ART3: variants seen among roughly 807,000 people sequenced by gnomAD.
ART3 encodes the protein ADP-ribosyltransferase 3 (inactive), also known as ecto-ADP-ribosyltransferase 3.
A neutral mutation model predicts 48.5 loss-of-function variants in ART3; 49 were observed. The observed-to-expected ratio is 1.01, with a 90% confidence interval of 0.80 to 1.28. The LOEUF is 1.28. Among genes scored for constraint, ART3 ranks in the 50% most tolerant of loss-of-function variants. ART3 has a pLI of 0.00. For missense variants in ART3, 438 were observed against 454.3 expected (o/e 0.96, Z 0.33); for synonymous variants, 145 against 157.2 (o/e 0.92, Z 0.58).
intron 1 of ART3, chr4:76,037,014 C>A: frequency 5.5e-6 from 1 of 180,328 alleles, no homozygotes; most frequent in South Asian, 1.3e-4. Context: ...CATTCTTGGT[C>A]ACCTTGTGGC....
At chr4:76,011,283 C>G (rs529036187) in exon 1 of ART3, 1 of 152,612 alleles carries the variant, frequency 6.6e-6, no homozygotes, top group Non-Finnish European at 1.5e-5. Context: ...CAGTGCTGAT[C>G]CAGCCGGAGG....
At chr4:76,023,798 A>C (rs764509161) in intron 1 of ART3, among the ~76,000 whole-genome samples, 67 of 152,226 alleles carry the variant, frequency 4.4e-4, no homozygotes, top group Non-Finnish European at 9.0e-4. Flanking sequence ...TTCTAACTAT[A>C]ATGCTTTTTC....
chr4:76,085,472 A>G (rs773368404), intron 3 of ART3, among the ~76,000 whole-genome samples: 9 of 152,172 alleles, frequency 5.9e-5, no homozygotes, highest in Non-Finnish European at 1.2e-4. Flanking sequence ...CTGCACTTGT[A>G]TATTCCTGAG....
At chr4:76,073,438 A>G (rs1458907919), upstream of ART3, among the ~76,000 whole-genome samples, 2 of 152,208 alleles carry the variant, frequency 1.3e-5, no homozygotes. Flanking sequence ...TGTGTATTTA[A>G]TCTTGGATTG....
At chr4:76,023,635 A>C in intron 1 of ART3, 1 of 492,408 alleles carries the variant, frequency 2.0e-6, no homozygotes, top group Admixed American at 3.3e-5. Flanking sequence ...GCAGACTCGA[A>C]GGTATTATTT....
chr4:76,087,263 G>A (rs772965205), intron 3 of ART3, among the ~76,000 whole-genome samples: 8 of 152,156 alleles, frequency 5.3e-5, no homozygotes, highest in Non-Finnish European at 1.0e-4. Context: ...GTGGAGAAGT[G>A]CGGGTCATTG....
At chr4:76,043,771 G>A (rs184416815) in intron 1 of ART3, among the ~76,000 whole-genome samples, 13 of 150,346 alleles carry the variant, frequency 8.6e-5, no homozygotes, top group African/African-American at 2.4e-4. Flanking sequence ...CTCAAGTGCC[G>A]CCAAAGTGGA....
At chr4:76,072,059 G>A (rs1208866150), upstream of ART3, among the ~76,000 whole-genome samples, 1 of 152,072 alleles carries the variant, frequency 6.6e-6, no homozygotes, top group East Asian at 1.9e-4. Context: ...TAGGACTACC[G>A]ACATGTGCCA....
At chr4:76,063,503 G>A (rs1441310077) in intron 1 of ART3, among the ~76,000 whole-genome samples, 1 of 152,136 alleles carries the variant, frequency 6.6e-6, no homozygotes, top group Non-Finnish European at 1.5e-5. Context: ...CTTATAATCT[G>A]TAGTTAGGAA....
chr4:76,012,580 G>A (rs1020344211), intron 1 of ART3, among the ~76,000 whole-genome samples: 1 of 152,122 alleles, frequency 6.6e-6, no homozygotes, highest in African/African-American at 2.4e-5. Flanking sequence ...TTCTTCCTTT[G>A]CTAATCTTAT....
chr4:76,068,619 C>T (rs1719975294), intron 1 of ART3, among the ~76,000 whole-genome samples: 1 of 151,380 alleles, frequency 6.6e-6, no homozygotes, highest in South Asian at 2.1e-4. Context: ...GGCAGTGGGG[C>T]CTACTTGAGG....
chr4:76,018,614 A>AG (rs1732479207), intron 1 of ART3, among the ~76,000 whole-genome samples: 1 of 152,230 alleles, frequency 6.6e-6, no homozygotes, highest in African/African-American at 2.4e-5. Flanking sequence ...AAAAAAATTC[A>AG]AGAAGTATTA....
At chr4:76,099,204 A>G in intron 5 of ART3, 1 of 492,572 alleles carries the variant, frequency 2.0e-6, no homozygotes, top group South Asian at 2.0e-5. Context: ...TGGGAGGCTG[A>G]GGCAGGAGGA....
At chr4:76,097,126 C>A (rs1013787221) in intron 3 of ART3, among the ~76,000 whole-genome samples, 2 of 152,100 alleles carry the variant, frequency 1.3e-5, no homozygotes, top group African/African-American at 4.8e-5. Context: ...AACTGAATTC[C>A]GGAAAGCTTA....
intron 1 of ART3, among the ~76,000 whole-genome samples, chr4:76,032,307 A>C (rs1297800769): frequency 2.6e-5 from 4 of 151,948 alleles, no homozygotes; most frequent in South Asian, 2.1e-4. Flanking sequence ...CCCAGACCCA[A>C]GTGATCCATC....
At chr4:76,019,140 G>A (rs1012281434) in intron 1 of ART3, among the ~76,000 whole-genome samples, 2 of 151,628 alleles carry the variant, frequency 1.3e-5, no homozygotes, top group Non-Finnish European at 2.9e-5. Flanking sequence ...GAAAAAAATG[G>A]CCCCACCAAA....
At chr4:76,104,047 C>A in intron 9 of ART3, 78 bp downstream of exon 9, 1 of 1,401,812 alleles carries the variant, frequency 7.1e-7, no homozygotes, top group South Asian at 1.2e-5. Context: ...AGAATACTGT[C>A]ATGAGACTAT....
intron 1 of ART3, among the ~76,000 whole-genome samples, chr4:76,013,350 A>G (rs1423737524): frequency 1.5e-4 from 23 of 152,192 alleles, no homozygotes; most frequent in Non-Finnish European, 1.2e-4. Context: ...GGCAGGAACA[A>G]GACGATGAAG....
Position 76,097,654 on chromosome 4 carries a change from C to G in ART3, c.792C>G (p.Thr264=). The G allele has an allele frequency of 6.2e-7, 1 of 1,606,860 alleles. No individual in the cohort carries two copies. Among genetic ancestry groups the G allele is most frequent in the Non-Finnish European group, 8.5e-7 (1 of 1,173,856 alleles). The change falls in exon 4 of 12, where the codon ACC becomes ACG. Residue 264 remains threonine, a synonymous_variant. Coordinates refer to ENST00000355810, the MANE Select transcript of ART3 (RefSeq NM_001130016.3). ...ATCTTTGTGTTTCAGGACTAAAAAC[C>G]GAAAACTGTATTGAGAACCTAGGTA... ...YECAFLGGLK[T]ENCIENLEYF...
Sources: allele counts gnomAD v4.1 joint callset (sites outside exome capture counted in the v4.1 genomes callset), GRCh38; gene constraint gnomAD v4.1.1; transcripts MANE v1.5; gene names NCBI Gene and HGNC (gene_info 2026-07-23, HGNC 2026-07-21).